Variants in THADA observed in about 807,000 individuals in gnomAD.
THADA encodes the protein tRNA (32-2'-O)-methyltransferase regulator THADA.
Under a neutral mutation model 219.8 loss-of-function variants are expected in THADA, and 213 were observed. That is an observed-to-expected ratio of 0.97 (90% confidence interval 0.87 to 1.09). The LOEUF (loss-of-function observed/expected upper bound fraction) is 1.09, where lower values mean the gene tolerates loss of function less well. Ranked by LOEUF, THADA falls within the 50% of genes least tolerant of loss-of-function variation. The pLI is 0.00. For missense variants in THADA, 2,956 were observed against 2,311.3 expected (o/e 1.28, Z -5.72); for synonymous variants, 1,018 against 828.9 (o/e 1.23, Z -3.92).
At chr2:43,581,092 TTG>T (rs1242061496) in intron 8 of THADA, among the ~76,000 whole-genome samples, 1 of 152,196 alleles carries the variant, frequency 6.6e-6, no homozygotes, top group African/African-American at 2.4e-5. Flanking sequence ...ATATAAATAC[TTG>T]TGTTAGGTGT....
intron 30 of THADA, among the ~76,000 whole-genome samples, chr2:43,324,443 G>T (rs1467050007): frequency 1.3e-5 from 2 of 152,114 alleles, no homozygotes; most frequent in African/African-American, 2.4e-5. Context: ...GGAAACAGAA[G>T]ATTTGGGGCC....
chr2:43,498,200 G>A (rs1474913702), intron 25 of THADA, among the ~76,000 whole-genome samples: 1 of 152,042 alleles, frequency 6.6e-6, no homozygotes, highest in Non-Finnish European at 1.5e-5. Context: ...GAGACAGAAA[G>A]GAGAATAGAG....
At chr2:43,419,819 TA>T (rs1302043667) in intron 28 of THADA, among the ~76,000 whole-genome samples, 1 of 128,784 alleles carries the variant, frequency 7.8e-6, no homozygotes, top group African/African-American at 3.2e-5. Flanking sequence ...TTACTAAATT[TA>T]AATTTTTTTT....
At chr2:43,242,159 G>T (rs1161940543) in intron 36 of THADA, among the ~76,000 whole-genome samples, 8 of 152,208 alleles carry the variant, frequency 5.3e-5, no homozygotes, top group Admixed American at 5.2e-4. Context: ...GCTGAGGGGG[G>T]CACTTCATGG....
intron 26 of THADA, among the ~76,000 whole-genome samples, chr2:43,460,792 G>C (rs901865917): frequency 3.3e-5 from 5 of 152,330 alleles, no homozygotes; most frequent in African/African-American, 7.2e-5. Flanking sequence ...CCAAACTGGT[G>C]GGGGAGAGCC....
chr2:43,541,386 A>G, intron 20 of THADA, 70 bp from the exon 21 acceptor site: 1 of 1,565,242 alleles, frequency 6.4e-7, no homozygotes. Context: ...AAACAAGCTT[A>G]TTCATAATTT....
At chr2:43,438,978 T>G (rs1474464038) in intron 26 of THADA, among the ~76,000 whole-genome samples, 1 of 152,230 alleles carries the variant, frequency 6.6e-6, no homozygotes, top group African/African-American at 2.4e-5. Flanking sequence ...ATGTGAGATT[T>G]TATCATGTGA....
intron 36 of THADA, among the ~76,000 whole-genome samples, chr2:43,261,022 G>T: frequency 6.6e-6 from 1 of 151,302 alleles, no homozygotes; most frequent in Non-Finnish European, 1.5e-5. Flanking sequence ...GTTTTTTTTG[G>T]TAAATTTGGA....
intron 7 of THADA, among the ~76,000 whole-genome samples, chr2:43,583,586 G>A (rs1383023386): frequency 6.6e-6 from 1 of 152,184 alleles, no homozygotes; most frequent in Non-Finnish European, 1.5e-5. Flanking sequence ...GCTAAAAGCA[G>A]AGACTCAAAG....
At chr2:43,429,506 A>T (rs944332638) in intron 27 of THADA, among the ~76,000 whole-genome samples, 5 of 152,124 alleles carry the variant, frequency 3.3e-5, no homozygotes, top group African/African-American at 1.2e-4. Context: ...CTGCTCAGGT[A>T]GACAAGAACC....
At chr2:43,322,565 G>T (rs76591751) in intron 30 of THADA, among the ~76,000 whole-genome samples, 27 of 148,226 alleles carry the variant, frequency 1.8e-4, no homozygotes, top group Non-Finnish European at 3.3e-4. Context: ...AAAAGGACAC[G>T]CAATGAAAAT....
chr2:43,587,997 TAAG>T (rs1412858291), intron 4 of THADA, among the ~76,000 whole-genome samples: 1 of 152,168 alleles, frequency 6.6e-6, no homozygotes, highest in Non-Finnish European at 1.5e-5. Flanking sequence ...ATATTCAGAA[TAAG>T]AAGAGTCACT....
At chr2:43,580,836 C>T (rs554299312) in intron 8 of THADA, among the ~76,000 whole-genome samples, 13 of 151,656 alleles carry the variant, frequency 8.6e-5, no homozygotes, top group East Asian at 1.9e-4. Flanking sequence ...GCCAAGATCA[C>T]GCCACTGCAC....
chr2:43,487,668 G>T (rs1687077778), intron 25 of THADA, among the ~76,000 whole-genome samples: 1 of 152,124 alleles, frequency 6.6e-6, no homozygotes, highest in South Asian at 2.1e-4. Flanking sequence ...AAGTCATGGG[G>T]GTAGAGCTCT....
intron 26 of THADA, among the ~76,000 whole-genome samples, chr2:43,447,835 C>T (rs1681773091): frequency 1.3e-5 from 2 of 152,046 alleles, no homozygotes; most frequent in Non-Finnish European, 2.9e-5. Context: ...AGTAAAATCC[C>T]AACATTTCCT....
chr2:43,480,814 T>A (rs1356075856), intron 26 of THADA, among the ~76,000 whole-genome samples: 18 of 146,482 alleles, frequency 1.2e-4, no homozygotes, highest in Non-Finnish European at 1.9e-4. Context: ...CGAGACTCTG[T>A]CTTGGGGGGG....
chr2:43,433,658 G>C (rs1368872967), intron 26 of THADA, among the ~76,000 whole-genome samples: 1 of 151,622 alleles, frequency 6.6e-6, no homozygotes, highest in African/African-American at 2.4e-5. Context: ...AACAGTAATT[G>C]TGTGTGTGTG....
chr2:43,355,475 T>C (rs958633571), intron 29 of THADA, among the ~76,000 whole-genome samples: 1 of 152,180 alleles, frequency 6.6e-6, no homozygotes, highest in East Asian at 1.9e-4. Context: ...TTGTTTATTG[T>C]TTCCTTTGCT....
intron 34 of THADA, among the ~76,000 whole-genome samples, chr2:43,289,775 C>G (rs1234993043): frequency 6.6e-6 from 1 of 151,962 alleles, no homozygotes; most frequent in Non-Finnish European, 1.5e-5. Context: ...CCTCAGCTTC[C>G]TGAGCAGCTG....
Sources: gnomAD v4.1 joint callset for allele counts (sites outside exome capture counted in the v4.1 genomes callset) on GRCh38, gnomAD v4.1.1 for gene constraint, MANE v1.5 for transcripts, NCBI Gene and HGNC (gene_info 2026-07-23, HGNC 2026-07-21) for gene names.